CFAP299: variants seen among roughly 807,000 people sequenced by gnomAD.
The protein encoded by CFAP299 is cilia and flagella associated protein 299, also known as cilia- and flagella-associated protein 299.
A neutral mutation model predicts 27.0 loss-of-function variants in CFAP299; 21 were observed. The observed-to-expected ratio is 0.78, with a 90% CI of 0.55 to 1.12. The LOEUF (loss-of-function observed/expected upper bound fraction) is 1.12, where lower values mean the gene tolerates loss of function less well. Among genes scored for constraint, CFAP299 ranks in the 50% most tolerant of loss-of-function variants. The pLI, the probability that CFAP299 is intolerant of heterozygous loss-of-function variation, is 0.00. For missense variants in CFAP299, 310 were observed against 276.6 expected (o/e 1.12, Z -0.86); for synonymous variants, 104 against 98.1 (o/e 1.06, Z -0.36).
intron 3 of CFAP299, among the ~76,000 whole-genome samples, chr4:80,635,792 T>C (rs1013546285): frequency 1.3e-5 from 2 of 152,120 alleles, no homozygotes; most frequent in African/African-American, 4.8e-5. Context: ...CTGAAAGTGG[T>C]AGCTGGCATT....
chr4:80,430,077 G>T (rs1272265872), intron 2 of CFAP299, among the ~76,000 whole-genome samples: 1 of 151,938 alleles, frequency 6.6e-6, no homozygotes, highest in African/African-American at 2.4e-5. Flanking sequence ...TGACTATACA[G>T]TATTTTCCAT....
At chr4:80,687,646 C>G (rs1357713451) in intron 3 of CFAP299, among the ~76,000 whole-genome samples, 1 of 152,184 alleles carries the variant, frequency 6.6e-6, no homozygotes, top group Non-Finnish European at 1.5e-5. Flanking sequence ...CATCTGAAGG[C>G]TGTCTAAAAC....
intron 3 of CFAP299, among the ~76,000 whole-genome samples, chr4:80,742,800 G>A (rs985600632): frequency 2.0e-5 from 3 of 152,182 alleles, no homozygotes; most frequent in Non-Finnish European, 4.4e-5. Context: ...AAGCTCAAAA[G>A]TGGAATGTTG....
chr4:80,681,830 A>G (rs1402128435), intron 3 of CFAP299, among the ~76,000 whole-genome samples: 1 of 152,180 alleles, frequency 6.6e-6, no homozygotes, highest in Non-Finnish European at 1.5e-5. Context: ...ATGTGTGGAA[A>G]CTGGAGAAGG....
intron 2 of CFAP299, among the ~76,000 whole-genome samples, chr4:80,503,662 T>C (rs936583281): frequency 6.6e-6 from 1 of 152,144 alleles, no homozygotes; most frequent in East Asian, 1.9e-4. Flanking sequence ...CTAATATATA[T>C]TAAGCAGTCA....
intron 2 of CFAP299, among the ~76,000 whole-genome samples, chr4:80,549,922 A>C (rs1382332789): frequency 6.6e-6 from 1 of 151,950 alleles, no homozygotes; most frequent in East Asian, 1.9e-4. Flanking sequence ...AAAATATGAA[A>C]ATTTTTCTAC....
rs146272854 is a variant in CFAP299, at chr4:80,652,264, G to A, written c.333+69081G>A. The stretch of plus-strand genomic sequence containing the variant: ...TGGTAAAATTTCATCAAGTGGAGTC[G>A]CTGCATGAGGTAAAATTTCACCAAG... On this transcript the variant is annotated intron_variant, in intron 3 of 5. Transcript: ENST00000358105. 9.4e-3 allele frequency among the ~76,000 whole-genome samples: 1,431 copies of A among 152,130 alleles called. 18 individuals carry two copies. Among genetic ancestry groups the A allele is most frequent in the South Asian group, 0.061 (295 of 4,818 alleles).
chr4:80,804,765 C>T (rs1428956569), intron 3 of CFAP299, among the ~76,000 whole-genome samples: 2 of 151,980 alleles, frequency 1.3e-5, no homozygotes, highest in Admixed American at 6.6e-5. Flanking sequence ...TTTGTGTCTT[C>T]GGATCTAAAA....
At chr4:80,769,616 A>G (rs1415467491) in intron 3 of CFAP299, among the ~76,000 whole-genome samples, 7 of 152,030 alleles carry the variant, frequency 4.6e-5, no homozygotes. Context: ...CTGGTATGGA[A>G]CCTCTGCACA....
intron 3 of CFAP299, among the ~76,000 whole-genome samples, chr4:80,762,423 G>A (rs939979017): frequency 6.6e-6 from 1 of 152,076 alleles, no homozygotes; most frequent in East Asian, 1.9e-4. Flanking sequence ...TCTTGGTTTG[G>A]ATGATTCCAA....
At chr4:80,569,767 A>T (rs533926931) in intron 2 of CFAP299, among the ~76,000 whole-genome samples, 1 of 152,054 alleles carries the variant, frequency 6.6e-6, no homozygotes, top group Admixed American at 6.6e-5. Context: ...TACAAGACTT[A>T]TTAAGAACAA....
intron 2 of CFAP299, among the ~76,000 whole-genome samples, chr4:80,396,659 C>G (rs186677624): frequency 8.7e-4 from 133 of 152,134 alleles, no homozygotes; most frequent in African/African-American, 3.0e-3. Flanking sequence ...GTCTTTGGTT[C>G]TGTTTATATG....
At chr4:80,569,730 T>A (rs1400812967) in intron 2 of CFAP299, among the ~76,000 whole-genome samples, 1 of 152,010 alleles carries the variant, frequency 6.6e-6, no homozygotes, top group Non-Finnish European at 1.5e-5. Flanking sequence ...AATATCCTGT[T>A]GTTAGACATA....
chr4:80,801,954 T>G (rs1417584688), intron 3 of CFAP299, among the ~76,000 whole-genome samples: 1 of 152,118 alleles, frequency 6.6e-6, no homozygotes, highest in African/African-American at 2.4e-5. Context: ...TGCAAGCACT[T>G]TCTGATGTCA....
At chr4:80,587,638 G>C (rs1736517389) in intron 3 of CFAP299, among the ~76,000 whole-genome samples, 1 of 152,144 alleles carries the variant, frequency 6.6e-6, no homozygotes, top group Admixed American at 6.5e-5. Context: ...TGTTGCCCAG[G>C]TTGGAGCGCA....
At chr4:80,906,928 C>G (rs189737914) in intron 4 of CFAP299, among the ~76,000 whole-genome samples, 58 of 152,294 alleles carry the variant, frequency 3.8e-4, no homozygotes, top group Non-Finnish European at 7.5e-4. Context: ...ACATTTGGCT[C>G]TTCATTACTT....
chr4:80,387,271 G>T, intron 2 of CFAP299: 2 of 1,611,012 alleles, frequency 1.2e-6, no homozygotes, highest in South Asian at 1.1e-5. Flanking sequence ...GCTCCTCCTG[G>T]TGGCTCTTGA....
chr4:80,660,449 A>G (rs1740785956), intron 3 of CFAP299, among the ~76,000 whole-genome samples: 1 of 152,186 alleles, frequency 6.6e-6, no homozygotes, highest in African/African-American at 2.4e-5. Flanking sequence ...CATTAAGGAA[A>G]GTATTTTGTT....
intron 2 of CFAP299, among the ~76,000 whole-genome samples, chr4:80,407,278 C>T (rs1726479916): frequency 6.6e-6 from 1 of 152,086 alleles, no homozygotes; most frequent in Non-Finnish European, 1.5e-5. Context: ...ATTAAACCTA[C>T]CCCAAAACTC....
Sources: gnomAD v4.1 joint callset for allele counts (sites outside exome capture counted in the v4.1 genomes callset) on GRCh38, gnomAD v4.1.1 for gene constraint, MANE v1.5 for transcripts, NCBI Gene and HGNC (gene_info 2026-07-23, HGNC 2026-07-21) for gene names.